Variants in ALPL observed in about 807,000 individuals in gnomAD.
ALPL encodes alkaline phosphatase, tissue-nonspecific isozyme.
Under a neutral mutation model 51.3 loss-of-function variants are expected in ALPL, and 42 were observed. The ratio of observed to expected loss-of-function variants is 0.82; its 90% CI spans 0.64 to 1.06. ALPL has a LOEUF of 1.06. Ranked by LOEUF, ALPL falls within the 50% of genes least tolerant of loss-of-function variation. The pLI is 0.00. For synonymous variants in ALPL, 279 were observed against 296.4 expected (o/e 0.94, Z 0.60); for missense variants, 589 against 709.4 (o/e 0.83, Z 1.93).
At chr1:21,519,992 T>C (rs1009715041) in intron 1 of ALPL, among the ~76,000 whole-genome samples, 30 of 152,180 alleles carry the variant, frequency 2.0e-4, no homozygotes, top group Non-Finnish European at 4.1e-4. Context: ...AGGCAGGGGT[T>C]GTGCTGCCCC....
chr1:21,544,007 T>A (rs1309624632), intron 1 of ALPL, among the ~76,000 whole-genome samples: 1 of 152,176 alleles, frequency 6.6e-6, no homozygotes, highest in Non-Finnish European at 1.5e-5. Flanking sequence ...TGTCCCTGGG[T>A]AGGTCCCACA....
At chr1:21,518,551 A>G (rs1050947361) in intron 1 of ALPL, among the ~76,000 whole-genome samples, 1 of 152,056 alleles carries the variant, frequency 6.6e-6, no homozygotes, top group Non-Finnish European at 1.5e-5. Flanking sequence ...GGGCCAGCCT[A>G]ACTCTTTCCA....
intron 2 of ALPL, among the ~76,000 whole-genome samples, chr1:21,555,182 G>A (rs1644397231): frequency 6.6e-6 from 1 of 151,716 alleles, no homozygotes; most frequent in Admixed American, 6.6e-5. Context: ...GCTCAGTGGG[G>A]GAGCTTTTTG....
At chr1:21,515,764 G>A (rs1643785673) in intron 1 of ALPL, among the ~76,000 whole-genome samples, 1 of 152,208 alleles carries the variant, frequency 6.6e-6, no homozygotes, top group Non-Finnish European at 1.5e-5. Context: ...CACAGGGTGG[G>A]TACCACTTAG....
intron 8 of ALPL, among the ~76,000 whole-genome samples, chr1:21,572,231 C>T (rs1025466206): frequency 1.3e-5 from 2 of 152,176 alleles, no homozygotes; most frequent in Non-Finnish European, 2.9e-5. Flanking sequence ...CTGGGGACAG[C>T]TTAGCTGGGT....
Position 21,560,758 on chromosome 1 carries a change from G to A in ALPL, c.181+13G>A, listed in dbSNP as rs1463298028. ...TTCCTGGGAGATGGTGAGGCCCAGGGGCCTGTGGGAGGGGTGGAACAGGAC... is the reference window on the plus strand; with the variant it reads ...TTCCTGGGAGATGGTGAGGCCCAGGAGCCTGTGGGAGGGGTGGAACAGGAC... On this transcript the variant is annotated intron_variant, in intron 3 of 11. Coordinates refer to ENST00000374840, the MANE Select transcript of ALPL (RefSeq NM_000478.6). 7 of 1,614,040 alleles carry A rather than the reference G, an allele frequency of 4.3e-6. No homozygotes were observed. In the South Asian group the frequency reaches 6.6e-5, roughly 15 times the overall value.
chr1:21,533,904 CAA>C (rs55833785), intron 1 of ALPL, among the ~76,000 whole-genome samples: 15,324 of 137,314 alleles, frequency 0.11, 1,059 homozygotes, highest in African/African-American at 0.21. Context: ...GCCTGGGTGA[CAA>C]GAGTAAAACT....
chr1:21,568,310 C>G, intron 7 of ALPL, 63 bp downstream of exon 7: 1 of 1,608,838 alleles, frequency 6.2e-7, no homozygotes. Flanking sequence ...GCTGTGTGAC[C>G]CCTGCTCTGA....
intron 8 of ALPL, among the ~76,000 whole-genome samples, chr1:21,570,973 C>G (rs529395792): frequency 6.6e-6 from 1 of 152,232 alleles, no homozygotes; most frequent in South Asian, 2.1e-4. Flanking sequence ...AGGAACACAG[C>G]TCCGCGTCCT....
At chr1:21,511,321 T>G (rs1392022492) in intron 1 of ALPL, among the ~76,000 whole-genome samples, 3 of 152,212 alleles carry the variant, frequency 2.0e-5, no homozygotes, top group Non-Finnish European at 4.4e-5. Flanking sequence ...GCAGCCTTGC[T>G]GTGGGACCTG....
chr1:21,542,730 A>C (rs1644202821), intron 1 of ALPL, among the ~76,000 whole-genome samples: 1 of 152,068 alleles, frequency 6.6e-6, no homozygotes, highest in Non-Finnish European at 1.5e-5. Context: ...CCCAGCTACT[A>C]GGGAGGCTAA....
At chr1:21,539,945 C>T (rs1056782778) in intron 1 of ALPL, among the ~76,000 whole-genome samples, 4 of 152,244 alleles carry the variant, frequency 2.6e-5, no homozygotes, top group South Asian at 2.1e-4. Flanking sequence ...CTTGAGCCAC[C>T]GCGCCCGGCC....
Position 21,570,294 on chromosome 1 carries a change from C to T in ALPL, c.793-11C>T. On this transcript the variant is annotated splice_polypyrimidine_tract_variant and intron_variant, in intron 7 of 11. Coordinates refer to ENST00000374840, the MANE Select transcript of ALPL (RefSeq NM_000478.6). ...GCCCCCGGCATGTGCTGACACAGCC[C>T]TTCCTCCTAGCACTCCCACTTCATC... The T allele has an allele frequency of 6.2e-7, 1 of 1,614,026 alleles. No homozygotes were observed. The highest frequency in any genetic ancestry group is 8.5e-7 in the Non-Finnish European group (1 of 1,179,942).
intron 9 of ALPL, 123 bp from the exon 10 acceptor site, chr1:21,575,610 C>T: frequency 8.5e-7 from 1 of 1,173,396 alleles, no homozygotes; most frequent in East Asian, 2.4e-5. Context: ...CAGAGTGGTG[C>T]CCGGCGAAGG....
intron 1 of ALPL, among the ~76,000 whole-genome samples, chr1:21,527,722 G>T: frequency 6.6e-6 from 1 of 151,798 alleles, no homozygotes; most frequent in Non-Finnish European, 1.5e-5. Context: ...GCTAATTTTT[G>T]TATTTTCAGT....
chr1:21,576,705 T>C, intron 11 of ALPL, 64 bp downstream of exon 11: 2 of 1,602,192 alleles, frequency 1.2e-6, no homozygotes, highest in Non-Finnish European at 1.7e-6. Flanking sequence ...GGCTTGGGAA[T>C]AGGGTGTCAG....
chr1:21,570,693 A>G (rs1644635476), intron 8 of ALPL, among the ~76,000 whole-genome samples: 1 of 152,106 alleles, frequency 6.6e-6, no homozygotes, highest in South Asian at 2.1e-4. Context: ...GGGAACTGGG[A>G]CTTAACAGCT....
rs1017494366 is a variant in ALPL, at chr1:21,539,788, G to T, written c.-104-14190G>T. Among the ~76,000 whole-genome samples the T allele has an allele frequency of 2.6e-5, 4 of 151,704 alleles. No homozygotes were observed. In the East Asian group the frequency reaches 7.7e-4, roughly 29 times the overall value. ...TCCTGCCTCAGCCTCCCGAGTAGCT[G>T]GGACTACAGGTGCCCGCCACCCAGC... On this transcript the variant is annotated intron_variant, in intron 1 of 11. Coordinates refer to ENST00000374840, the MANE Select transcript of ALPL (RefSeq NM_000478.6).
intron 9 of ALPL, 162 bp downstream of exon 9, chr1:21,573,961 C>G (rs1415418051): frequency 2.0e-6 from 2 of 985,116 alleles, no homozygotes; most frequent in Non-Finnish European, 1.2e-6. Context: ...ACTGTAGACA[C>G]TCCCAGCCCA....
Sources: gnomAD v4.1 joint callset for allele counts (sites outside exome capture counted in the v4.1 genomes callset) on GRCh38, gnomAD v4.1.1 for gene constraint, MANE v1.5 for transcripts, NCBI Gene and HGNC (gene_info 2026-07-23, HGNC 2026-07-21) for gene names.